Variants in UBE2R2 observed in about 807,000 individuals in gnomAD.
UBE2R2 encodes ubiquitin conjugating enzyme E2 R2.
UBE2R2 carries 1 observed loss-of-function variant against 27.8 expected under a neutral mutation model. The observed-to-expected ratio is 0.04, with a 90% confidence interval of 0.01 to 0.17. The LOEUF (loss-of-function observed/expected upper bound fraction) is 0.17, where lower values mean the gene tolerates loss of function less well. Ranked by LOEUF, UBE2R2 falls within the 10% of genes least tolerant of loss-of-function variation. The probability of loss-of-function intolerance (pLI) is 1.00; values close to 1 mark genes in which losing one functional copy is unlikely to be tolerated. For missense variants in UBE2R2, 100 were observed against 291.0 expected, an observed-to-expected ratio of 0.34 and a Z score of 4.78; for synonymous variants, 106 against 113.3, an observed-to-expected ratio of 0.94 and a Z score of 0.41.
Position 33,891,055 on chromosome 9 carries a change from G to GTTTTTTTTTTTTTTGT in UBE2R2, c.264+4100_264+4101insTTGTTTTTTTTTTTTT, listed in dbSNP as rs776729663. Among the ~76,000 whole-genome samples, 96 of 126,092 alleles carry GTTTTTTTTTTTTTTGT rather than the reference G, an allele frequency of 7.6e-4. 1 individual carries two copies. The East Asian group carries it at 8.3e-3, about 11-fold the overall frequency. 82.7% of individuals were successfully genotyped at this position (126,092 alleles called of 152,430 possible). On this transcript the variant is annotated intron_variant, in intron 2 of 4. Coordinates refer to ENST00000263228, the MANE Select transcript of UBE2R2 (RefSeq NM_017811.4). ...TTTTTTGTTGTTGTTGTGTTTTTTT[G>GTTTTTTTTTTTTTTGT]TTTTTTTTTTTTGAGATGGAGTCTT...
At chr9:33,844,429 C>G (rs1323471825) in intron 1 of UBE2R2, among the ~76,000 whole-genome samples, 2 of 152,046 alleles carry the variant, frequency 1.3e-5, no homozygotes, top group Non-Finnish European at 2.9e-5. Flanking sequence ...GTCTCGAACT[C>G]CTGACTTCAG....
chr9:33,841,088 T>C (rs1179205432), intron 1 of UBE2R2, among the ~76,000 whole-genome samples: 1 of 144,052 alleles, frequency 6.9e-6, no homozygotes, highest in Non-Finnish European at 1.5e-5. Flanking sequence ...CCACGCCTGA[T>C]TTTTTTTTTT....
At chr9:33,848,525 TTAGTA>T (rs1447487736) in intron 1 of UBE2R2, among the ~76,000 whole-genome samples, 1 of 152,158 alleles carries the variant, frequency 6.6e-6, no homozygotes, top group Non-Finnish European at 1.5e-5. Context: ...TTCAAAAGAC[TTAGTA>T]TATCACCTCA....
intron 1 of UBE2R2, among the ~76,000 whole-genome samples, chr9:33,881,526 T>C (rs1393659122): frequency 6.6e-6 from 1 of 152,208 alleles, no homozygotes; most frequent in East Asian, 1.9e-4. Flanking sequence ...TATCACACTG[T>C]ATTTAGTTGT....
intron 1 of UBE2R2, among the ~76,000 whole-genome samples, chr9:33,882,269 G>A (rs1384273675): frequency 6.6e-6 from 1 of 151,946 alleles, no homozygotes; most frequent in Non-Finnish European, 1.5e-5. Context: ...TCCTTTTATT[G>A]AATAATGATA....
intron 3 of UBE2R2, among the ~76,000 whole-genome samples, chr9:33,910,366 C>G (rs1271107888): frequency 6.6e-6 from 1 of 152,128 alleles, no homozygotes; most frequent in Admixed American, 6.6e-5. Flanking sequence ...CCAGGATGGT[C>G]TCAAACTCCT....
intron 1 of UBE2R2, among the ~76,000 whole-genome samples, chr9:33,837,137 A>G (rs986315286): frequency 5.9e-5 from 9 of 151,994 alleles, no homozygotes; most frequent in African/African-American, 2.2e-4. Context: ...GTTTTTCCTC[A>G]TGTTTTTTGG....
intron 1 of UBE2R2, among the ~76,000 whole-genome samples, chr9:33,874,858 G>T (rs1028907215): frequency 1.3e-5 from 2 of 151,934 alleles, no homozygotes; most frequent in African/African-American, 4.8e-5. Context: ...TAGAGTTGGG[G>T]GTCTCGCTAT....
At chr9:33,880,803 T>A (rs1232547946) in intron 1 of UBE2R2, among the ~76,000 whole-genome samples, 2 of 152,208 alleles carry the variant, frequency 1.3e-5, no homozygotes, top group Admixed American at 1.3e-4. Flanking sequence ...TGTTGTGAAC[T>A]GGGCATGTGA....
At chr9:33,843,243 T>A (rs1258002703) in intron 1 of UBE2R2, among the ~76,000 whole-genome samples, 1 of 151,582 alleles carries the variant, frequency 6.6e-6, no homozygotes, top group East Asian at 1.9e-4. Flanking sequence ...GAGATGGGGT[T>A]TCACCATGTT....
intron 1 of UBE2R2, among the ~76,000 whole-genome samples, chr9:33,837,211 C>A (rs1228196468): frequency 6.6e-6 from 1 of 151,960 alleles, no homozygotes. Flanking sequence ...ATATCTTTTT[C>A]TCTTTTTTTT....
intron 3 of UBE2R2, among the ~76,000 whole-genome samples, chr9:33,908,919 C>A (rs929535477): frequency 4.6e-5 from 7 of 151,956 alleles, no homozygotes; most frequent in African/African-American, 1.7e-4. Context: ...TCACTTCAGC[C>A]CAGGAGTTTG....
chr9:33,838,757 C>T (rs898961585), intron 1 of UBE2R2, among the ~76,000 whole-genome samples: 5 of 152,038 alleles, frequency 3.3e-5, no homozygotes, highest in African/African-American at 1.2e-4. Context: ...TCTTATAAAC[C>T]TCTAAAGCAA....
chr9:33,897,775 CTTTTTTT>C (rs35277355), intron 2 of UBE2R2, among the ~76,000 whole-genome samples: 12 of 127,970 alleles, frequency 9.4e-5, no homozygotes, highest in South Asian at 2.6e-4. Context: ...TTTCTTTTTT[CTTTTTTT>C]TTTTTTTTTT....
intron 2 of UBE2R2, among the ~76,000 whole-genome samples, chr9:33,896,473 T>TA (rs1822106869): frequency 1.3e-5 from 2 of 151,890 alleles, no homozygotes; most frequent in African/African-American, 4.8e-5. Context: ...GATGGAGTCT[T>TA]ACTCTGTCGC....
chr9:33,863,782 G>C (rs558029515), intron 1 of UBE2R2, among the ~76,000 whole-genome samples: 1 of 152,088 alleles, frequency 6.6e-6, no homozygotes, highest in East Asian at 1.9e-4. Context: ...CCGCCTCTCG[G>C]ATTCAATGGA....
At position 33,917,493 on chromosome 9, in the gene UBE2R2, T is replaced by C; in HGVS notation, c.*256T>C. 1 of 562,862 alleles carries C rather than the reference T, an allele frequency of 1.8e-6. No homozygotes were observed. Among genetic ancestry groups the C allele is most frequent in the South Asian group, 2.9e-5 (1 of 34,710 alleles). The allele number at this position is 562,862 out of a possible 1,614,324, so 34.9% of individuals were successfully genotyped here. ...TCCATCACTATATTGATTCTTTTTT[T>C]AAAAAATATGAACCCAAACTCCCGC... On this transcript the variant is annotated 3_prime_UTR_variant, in exon 5 of 5. Coordinates refer to ENST00000263228, the MANE Select transcript of UBE2R2 (RefSeq NM_017811.4).
chr9:33,887,061 C>G, intron 2 of UBE2R2, 94 bp downstream of exon 2: 1 of 971,032 alleles, frequency 1.0e-6, no homozygotes, highest in Non-Finnish European at 1.5e-6. Flanking sequence ...GATACTTAGG[C>G]TTTTGTAGCC....
In UBE2R2 at chr9:33,845,889, T is replaced by G. The variant is rs567958141; in HGVS notation, c.177+27955T>G. Among the ~76,000 whole-genome samples, 3 of 152,106 alleles carry G rather than the reference T, an allele frequency of 2.0e-5. No homozygotes were observed. In the South Asian group the frequency reaches 6.2e-4, roughly 32 times the overall value. Reference sequence around the variant, plus strand: ...TGGGCGCGGTGGCTCACGCCTGTAATTCCAGCACTTTGGGAGGCCGAGGTG... The same window carrying G: ...TGGGCGCGGTGGCTCACGCCTGTAAGTCCAGCACTTTGGGAGGCCGAGGTG... On this transcript the variant is annotated intron_variant, in intron 1 of 4. Coordinates refer to ENST00000263228, the MANE Select transcript of UBE2R2 (RefSeq NM_017811.4).
Sources: allele counts gnomAD v4.1 joint callset (sites outside exome capture counted in the v4.1 genomes callset), GRCh38; gene constraint gnomAD v4.1.1; transcripts MANE v1.5; gene names NCBI Gene and HGNC (gene_info 2026-07-23, HGNC 2026-07-21).